BTBD8: variants seen among roughly 807,000 people sequenced by gnomAD.
BTBD8 encodes BTB domain containing 8, also known as BTB/POZ domain-containing protein 8.
Under a neutral mutation model 162.9 loss-of-function variants are expected in BTBD8, and 110 were observed. The observed-to-expected ratio is 0.68, with a 90% CI of 0.58 to 0.79. The LOEUF (loss-of-function observed/expected upper bound fraction) is 0.79. BTBD8 is among the 30% of genes least tolerant of loss of function. The probability of loss-of-function intolerance (pLI) is 0.00; values close to 1 mark genes in which losing one functional copy is unlikely to be tolerated. For synonymous variants in BTBD8, 667 were observed against 716.1 expected (o/e 0.93, Z 1.10); for missense variants, 1,905 against 2,085.4 (o/e 0.91, Z 1.68).
rs1052929313 is a variant in BTBD8, at chr1:92,107,909, T to G, written c.570T>G (p.Ser190=). 1.2e-6 allele frequency: 2 copies of G among 1,613,672 alleles called. No individual in the cohort carries two copies. Among genetic ancestry groups the G allele is most frequent in the Non-Finnish European group, 8.5e-7 (1 of 1,179,894 alleles). ...ATAATTATGACTTGGAGCCTGCATC[T>G]GAATTAGGAGAAGATTTATTGAAGC... ...SNDNYDLEPA[S]ELGEDLLKLY... is the part of the protein sequence containing the mutation. Residue 190 remains serine, a synonymous_variant, in exon 4 of 18, where the codon TCT becomes TCG. Transcript: ENST00000636805.
intron 1 of BTBD8, among the ~76,000 whole-genome samples, chr1:92,087,480 A>C (rs1176418839): frequency 6.6e-6 from 1 of 152,210 alleles, no homozygotes; most frequent in Non-Finnish European, 1.5e-5. Context: ...ATTATTTTCA[A>C]GGTTCTGAAA....
In BTBD8 at chr1:92,088,724, A is replaced by T; in HGVS notation, c.176A>T (p.Asp59Val). Residue 59 changes from aspartate to valine, a missense_variant, in exon 2 of 18, where the codon GAT becomes GTT. Asp to Val is a radical substitution (Grantham distance 152). This residue lies in a region of BTBD8 where 1,374 missense variants were observed against 1,442.7 expected (regional missense o/e 0.95). Coordinates refer to ENST00000636805, the MANE Select transcript of BTBD8 (RefSeq NM_001376131.1). ...CTTCTAAGGGAAGAATTCCATACAG[A>T]TGTTACCTTCTCTGTGGGTTGTACT... ...LRLLREEFHT[D>V]VTFSVGCTLF... is the part of the protein sequence containing the mutation. 6.2e-7 allele frequency: 1 copy of T among 1,610,682 alleles called. No individual in the cohort carries two copies. The highest frequency in any genetic ancestry group is 2.2e-5 in the East Asian group (1 of 44,682).
intron 10 of BTBD8, among the ~76,000 whole-genome samples, 192 bp from the exon 11 acceptor site, chr1:92,167,656 A>G (rs1650419099): frequency 6.6e-6 from 1 of 152,258 alleles, no homozygotes; most frequent in Non-Finnish European, 1.5e-5. Flanking sequence ...AACTTAAAGT[A>G]TAATAAAAAT....
chr1:92,164,323 C>G (rs1650334404), intron 9 of BTBD8, among the ~76,000 whole-genome samples: 1 of 151,934 alleles, frequency 6.6e-6, no homozygotes, highest in South Asian at 2.1e-4. Flanking sequence ...TCCATCCCTA[C>G]AAAATTTTTT....
At chr1:92,180,028 T>C (rs946464454) in intron 16 of BTBD8, among the ~76,000 whole-genome samples, 2 of 152,206 alleles carry the variant, frequency 1.3e-5, no homozygotes, top group African/African-American at 4.8e-5. Context: ...CCTATTTTAG[T>C]AATTTTTACT....
chr1:92,139,064 A>G (rs1649704132), intron 5 of BTBD8, among the ~76,000 whole-genome samples: 1 of 152,218 alleles, frequency 6.6e-6, no homozygotes, highest in Non-Finnish European at 1.5e-5. Context: ...GAGGTTAGAC[A>G]GTGAGTAGAA....
intron 9 of BTBD8, among the ~76,000 whole-genome samples, chr1:92,148,043 C>T (rs1649966413): frequency 6.6e-6 from 1 of 152,150 alleles, no homozygotes; most frequent in African/African-American, 2.4e-5. Flanking sequence ...AGACATGGTG[C>T]CACAGAGAAA....
At chr1:92,174,621 GA>G (rs1650649755) in intron 13 of BTBD8, among the ~76,000 whole-genome samples, 3 of 93,416 alleles carry the variant, frequency 3.2e-5, no homozygotes, top group Admixed American at 2.2e-4. Flanking sequence ...TAAAAATAGA[GA>G]AATGTTTTTT....
At chr1:92,149,206 A>G (rs1461659503) in intron 9 of BTBD8, among the ~76,000 whole-genome samples, 2 of 152,188 alleles carry the variant, frequency 1.3e-5, no homozygotes, top group African/African-American at 4.8e-5. Flanking sequence ...TTAATCAAAT[A>G]TTTTTGTTTT....
At chr1:92,140,171 C>T (rs1649740434) in intron 6 of BTBD8, among the ~76,000 whole-genome samples, 1 of 151,202 alleles carries the variant, frequency 6.6e-6, no homozygotes, top group Admixed American at 6.6e-5. Flanking sequence ...CCTGTAATCC[C>T]AGCACTTAGG....
In BTBD8 at chr1:92,166,955, A is replaced by T; in HGVS notation, c.1123-3A>T. 1 of 1,536,594 alleles carries T rather than the reference A, an allele frequency of 6.5e-7. No individual in the cohort carries two copies. The highest frequency in any genetic ancestry group is 2.1e-5 in the Admixed American group (1 of 47,910). On this transcript the variant is annotated splice_polypyrimidine_tract_variant and splice_region_variant and intron_variant, in intron 9 of 17. Coordinates refer to ENST00000636805, the MANE Select transcript of BTBD8 (RefSeq NM_001376131.1). ...AACTTTCCAATTTTTTTTTAAATCT[A>T]AGAATGATAAGAATGCTGCTTTTCT...
chr1:92,099,497 A>T (rs889019093), intron 2 of BTBD8, among the ~76,000 whole-genome samples: 1 of 151,476 alleles, frequency 6.6e-6, no homozygotes, highest in Non-Finnish European at 1.5e-5. Flanking sequence ...AAGTACTACT[A>T]TCTTAACAAT....
At chr1:92,146,102 G>T (rs927766438) in intron 7 of BTBD8, among the ~76,000 whole-genome samples, 4 of 152,096 alleles carry the variant, frequency 2.6e-5, no homozygotes, top group Non-Finnish European at 5.9e-5. Context: ...AAGCAGATTA[G>T]ACCATGTTGT....
At position 92,122,122 on chromosome 1, in the gene BTBD8, C is replaced by T. The variant is rs1649226130; in HGVS notation, c.663-7565C>T. Among the ~76,000 whole-genome samples, 3 of 152,200 alleles carry T rather than the reference C, an allele frequency of 2.0e-5. No homozygotes were observed. The South Asian group carries it at 6.2e-4, about 32-fold the overall frequency. ...TCAGTGTAATGTTTTTGAGCTTCAT[C>T]CTTGCATGTTATGTGTATCAGTGAT... On this transcript the variant is annotated intron_variant, in intron 4 of 17. Coordinates refer to ENST00000636805, the MANE Select transcript of BTBD8 (RefSeq NM_001376131.1).
At chr1:92,114,284 C>A (rs1202525995) in intron 4 of BTBD8, among the ~76,000 whole-genome samples, 1 of 151,900 alleles carries the variant, frequency 6.6e-6, no homozygotes, top group African/African-American at 2.4e-5. Flanking sequence ...AAAGTCCTGG[C>A]AGATATCCAA....
At chr1:92,110,268 C>CAATCT (rs1648853573) in intron 4 of BTBD8, among the ~76,000 whole-genome samples, 1 of 152,144 alleles carries the variant, frequency 6.6e-6, no homozygotes, top group South Asian at 2.1e-4. Context: ...ACTGTGGGGA[C>CAATCT]AATCTGCATG....
intron 1 of BTBD8, among the ~76,000 whole-genome samples, chr1:92,088,269 C>CT (rs200479279): frequency 1.3e-5 from 2 of 151,398 alleles, no homozygotes; most frequent in Middle Eastern, 3.4e-3. Flanking sequence ...TAACTATTAA[C>CT]TTTTTTTTTG....
intron 4 of BTBD8, among the ~76,000 whole-genome samples, chr1:92,110,627 C>T (rs1470251166): frequency 7.9e-5 from 12 of 152,170 alleles, no homozygotes; most frequent in Admixed American, 7.9e-4. Context: ...ACTGCAAGCT[C>T]CGCCTCCCGG....
intron 13 of BTBD8, among the ~76,000 whole-genome samples, chr1:92,173,920 C>T (rs1650629402): frequency 1.3e-5 from 2 of 151,998 alleles, no homozygotes; most frequent in African/African-American, 4.8e-5. Flanking sequence ...TCAGATAAGA[C>T]AGGGAAAGAG....
Sources: gnomAD v4.1 joint callset for allele counts (sites outside exome capture counted in the v4.1 genomes callset) on GRCh38, gnomAD v4.1.1 for gene constraint, gnomAD v4.1.1 regional missense constraint, MANE v1.5 for transcripts, NCBI Gene and HGNC (gene_info 2026-07-23, HGNC 2026-07-21) for gene names.